The following ZNF680 variants were observed in gnomAD, a reference collection of about 807,000 sequenced individuals.
ZNF680 encodes the protein zinc finger protein 680, also known as hypothetical protein FLJ90430.
In ZNF680, 6 loss-of-function variants were observed where a neutral mutation model predicts 12.1. The observed-to-expected ratio is 0.49, with a 90% confidence interval of 0.27 to 0.98. ZNF680 has a LOEUF of 0.98. ZNF680 is among the 50% of genes least tolerant of loss of function. The probability of loss-of-function intolerance (pLI) is 0.12; values close to 1 mark genes in which losing one functional copy is unlikely to be tolerated. For synonymous variants in ZNF680, 170 were observed against 199.3 expected, an observed-to-expected ratio of 0.85 and a Z score of 1.24; for missense variants, 561 against 616.3, an observed-to-expected ratio of 0.91 and a Z score of 0.95.
At chr7:64,534,304 C>G (rs1218782998) in intron 3 of ZNF680, among the ~76,000 whole-genome samples, 3 of 152,006 alleles carry the variant, frequency 2.0e-5, no homozygotes, top group Non-Finnish European at 4.4e-5. Context: ...ACAATGAACT[C>G]AAATCAGCAA....
At chr7:64,558,663 C>T (rs942705242) in intron 1 of ZNF680, among the ~76,000 whole-genome samples, 1 of 152,004 alleles carries the variant, frequency 6.6e-6, no homozygotes, top group Non-Finnish European at 1.5e-5. Context: ...TGTTTTGAGG[C>T]AGTTTCTAGA....
At chr7:64,548,037 G>A (rs1786874353) in intron 1 of ZNF680, among the ~76,000 whole-genome samples, 2 of 152,144 alleles carry the variant, frequency 1.3e-5, no homozygotes, top group South Asian at 4.1e-4. Flanking sequence ...CTGGGGCAGG[G>A]AGTGGACCCT....
At chr7:64,501,859 G>GTTAA in the ZNF680 span, 1 of 527,438 alleles carries the variant, frequency 1.9e-6, no homozygotes, top group East Asian at 3.8e-5. Context: ...TCTTTCCCAT[G>GTTAA]TTAATTCATA....
intron 3 of ZNF680, among the ~76,000 whole-genome samples, chr7:64,533,512 A>G (rs1055314850): frequency 2.6e-5 from 4 of 152,208 alleles, no homozygotes; most frequent in African/African-American, 9.6e-5. Context: ...GAAAAAAATC[A>G]TAGACAACAC....
downstream of ZNF680, among the ~76,000 whole-genome samples, chr7:64,519,623 ATGTGATGCCTCCAGATT>A (rs1298413773): frequency 6.6e-6 from 1 of 151,832 alleles, no homozygotes; most frequent in African/African-American, 2.4e-5. Context: ...AAGTCAGGTA[ATGTGATGCCTCCAGATT>A]TGTTCTTTTC....
chr7:64,537,221 T>C (rs1006139479), intron 3 of ZNF680, among the ~76,000 whole-genome samples: 1 of 152,162 alleles, frequency 6.6e-6, no homozygotes, highest in Non-Finnish European at 1.5e-5. Context: ...GTGTAGTGGC[T>C]CAAATGTGTA....
the ZNF680 span, among the ~76,000 whole-genome samples, chr7:64,503,066 C>T: frequency 6.6e-6 from 1 of 152,064 alleles, no homozygotes; most frequent in South Asian, 2.1e-4. Flanking sequence ...TAAATTATTA[C>T]TTATTTGAAT....
chr7:64,500,940 T>G, the ZNF680 span: 1 of 638,946 alleles, frequency 1.6e-6, no homozygotes. Context: ...ATCTTTTCGA[T>G]GTGCAGCAAA....
At chr7:64,557,967 C>T (rs1173652400) in intron 1 of ZNF680, among the ~76,000 whole-genome samples, 1 of 152,288 alleles carries the variant, frequency 6.6e-6, no homozygotes, top group South Asian at 2.1e-4. Context: ...CACAATTTTG[C>T]TTATATAACA....
the ZNF680 span, among the ~76,000 whole-genome samples, chr7:64,514,768 G>T: frequency 6.6e-6 from 1 of 152,222 alleles, no homozygotes; most frequent in East Asian, 1.9e-4. Context: ...TCTTGGCTGG[G>T]TGTGGTGGCT....
Position 64,531,938 on chromosome 7 carries a change from AG to A in ZNF680, c.254-9439del, listed in dbSNP as rs1785907424. 4.6e-5 allele frequency among the ~76,000 whole-genome samples: 7 copies of A among 152,312 alleles called. No individual in the cohort carries two copies. The South Asian group carries it at 1.4e-3, about 32-fold the overall frequency. On this transcript the variant is annotated intron_variant, in intron 3 of 3. Transcript: ENST00000309683. ...TGCAACAGAAGAAAGGAAATAATCA[AG>A]ATTAGAGCAAAACTAAATGAAACTG... is the stretch of plus-strand genomic sequence containing the variant.
the ZNF680 span, among the ~76,000 whole-genome samples, chr7:64,510,784 C>G: frequency 7.6e-6 from 1 of 131,098 alleles, no homozygotes; most frequent in Admixed American, 7.8e-5. Flanking sequence ...GTGGCGGGCG[C>G]CTGTAGTCCC....
At chr7:64,518,656 T>C (rs148387643), downstream of ZNF680, among the ~76,000 whole-genome samples, 1,942 of 151,988 alleles carry the variant, frequency 0.013, 17 homozygotes, top group Non-Finnish European at 0.02. Flanking sequence ...TATAGACCAA[T>C]GGAACAGAAT....
chr7:64,559,365 G>GAT (rs1205826821), intron 1 of ZNF680, among the ~76,000 whole-genome samples: 3 of 152,168 alleles, frequency 2.0e-5, no homozygotes, highest in African/African-American at 7.2e-5. Context: ...AAGGTACATG[G>GAT]ATATGCTTTG....
intron 1 of ZNF680, among the ~76,000 whole-genome samples, chr7:64,553,139 A>G (rs78750532): frequency 6.6e-6 from 1 of 151,976 alleles, no homozygotes; most frequent in South Asian, 2.1e-4. Flanking sequence ...AAAAAAAAAA[A>G]AAAGTATATG....
intron 1 of ZNF680, among the ~76,000 whole-genome samples, chr7:64,545,780 A>T (rs1421083634): frequency 1.3e-5 from 2 of 152,212 alleles, no homozygotes; most frequent in Admixed American, 6.5e-5. Context: ...TGTTTAAATA[A>T]GCATTTTCTT....
chr7:64,542,160 C>G (rs1786539912), intron 3 of ZNF680, among the ~76,000 whole-genome samples: 1 of 152,186 alleles, frequency 6.6e-6, no homozygotes. Context: ...GCAGACCCAG[C>G]AGCCTTGTGA....
intron 3 of ZNF680, among the ~76,000 whole-genome samples, chr7:64,533,752 C>T (rs924350168): frequency 6.6e-6 from 1 of 152,256 alleles, no homozygotes; most frequent in Non-Finnish European, 1.5e-5. Flanking sequence ...CATCAGACTA[C>T]CTGATTTCAA....
chr7:64,554,388 G>T (rs994094240), intron 1 of ZNF680, among the ~76,000 whole-genome samples: 3 of 151,190 alleles, frequency 2.0e-5, no homozygotes, highest in African/African-American at 7.3e-5. Context: ...GCCCCAGCCC[G>T]GCCAGCTGCC....
Sources: gnomAD v4.1 joint callset for allele counts (sites outside exome capture counted in the v4.1 genomes callset) on GRCh38, gnomAD v4.1.1 for gene constraint, MANE v1.5 for transcripts, NCBI Gene and HGNC (gene_info 2026-07-23, HGNC 2026-07-21) for gene names.